Variants in OXR1 observed in about 807,000 individuals in gnomAD.
OXR1 encodes the protein oxidation resistance protein 1.
Under a neutral mutation model 104.6 loss-of-function variants are expected in OXR1, and 41 were observed. The observed-to-expected ratio is 0.39, with a 90% CI of 0.31 to 0.51. The LOEUF is 0.51. OXR1 is among the 20% of genes least tolerant of loss of function. The probability of loss-of-function intolerance (pLI) is 0.77; values close to 1 mark genes in which losing one functional copy is unlikely to be tolerated. For synonymous variants in OXR1, 348 were observed against 348.4 expected, an observed-to-expected ratio of 1.00 and a Z score of 0.01; for missense variants, 955 against 1,031.9, an observed-to-expected ratio of 0.93 and a Z score of 1.02.
intron 3 of OXR1, among the ~76,000 whole-genome samples, chr8:106,573,503 C>A (rs1817621906): frequency 6.6e-6 from 1 of 152,178 alleles, no homozygotes; most frequent in Admixed American, 6.5e-5. Context: ...CTCAGAAACA[C>A]TGGTCAAATA....
At chr8:106,444,541 C>G (rs1586649910) in intron 2 of OXR1, among the ~76,000 whole-genome samples, 1 of 152,128 alleles carries the variant, frequency 6.6e-6, no homozygotes. Context: ...TTTGCAGGGA[C>G]ATGGATGAAG....
chr8:106,540,886 T>G (rs1411619708), intron 3 of OXR1, among the ~76,000 whole-genome samples: 1 of 152,132 alleles, frequency 6.6e-6, no homozygotes, highest in Admixed American at 6.6e-5. Flanking sequence ...CCCCCATAAT[T>G]CAATCACCTC....
intron 1 of OXR1, among the ~76,000 whole-genome samples, chr8:106,294,058 A>G (rs1404174799): frequency 6.9e-6 from 1 of 145,760 alleles, no homozygotes; most frequent in Non-Finnish European, 1.5e-5. Flanking sequence ...GTGTTTATGA[A>G]GTAGGGTCAC....
intron 7 of OXR1, among the ~76,000 whole-genome samples, chr8:106,696,908 T>A (rs1830091869): frequency 6.6e-6 from 1 of 152,050 alleles, no homozygotes; most frequent in Non-Finnish European, 1.5e-5. Context: ...CCCAGATGTG[T>A]GGTGAGCACA....
At chr8:106,348,465 C>T (rs1253183928) in intron 1 of OXR1, among the ~76,000 whole-genome samples, 1 of 152,126 alleles carries the variant, frequency 6.6e-6, no homozygotes, top group Non-Finnish European at 1.5e-5. Flanking sequence ...GATATTTTCT[C>T]ATTTGAAACA....
intron 1 of OXR1, among the ~76,000 whole-genome samples, chr8:106,279,710 T>C (rs1380959702): frequency 6.6e-6 from 1 of 152,146 alleles, no homozygotes; most frequent in Non-Finnish European, 1.5e-5. Flanking sequence ...TTACTAATAG[T>C]AGTAAGTCCA....
At chr8:106,546,782 T>G (rs570071897) in intron 3 of OXR1, among the ~76,000 whole-genome samples, 1 of 152,366 alleles carries the variant, frequency 6.6e-6, no homozygotes, top group South Asian at 2.1e-4. Flanking sequence ...GAAAAGCAGT[T>G]GCTTGCGTGA....
At chr8:106,749,847 T>TC (rs1411136036) in intron 16 of OXR1, among the ~76,000 whole-genome samples, 4 of 152,122 alleles carry the variant, frequency 2.6e-5, no homozygotes, top group Non-Finnish European at 2.9e-5. Flanking sequence ...CCTGGTGTTT[T>TC]CCCCTCTCGG....
rs185814572 is a variant in OXR1, at chr8:106,719,448, T to C, written c.1956+5463T>C. Among the ~76,000 whole-genome samples the C allele has an allele frequency of 7.2e-5, 11 of 152,358 alleles. No individual in the cohort carries two copies. The East Asian group carries it at 2.1e-3, about 29-fold the overall frequency. ...CTTTTCTCCAATTGTTCATAGTTAT[T>C]CAAATGTCATAAAAATATTTAGAAT... is the stretch of plus-strand genomic sequence containing the variant. On this transcript the variant is annotated intron_variant, in intron 11 of 16. Coordinates refer to ENST00000517566, the MANE Select transcript of OXR1 (RefSeq NM_001198533.2).
At chr8:106,411,835 A>T (rs1818468987) in intron 2 of OXR1, among the ~76,000 whole-genome samples, 1 of 152,144 alleles carries the variant, frequency 6.6e-6, no homozygotes, top group South Asian at 2.1e-4. Context: ...GGACTGAGTG[A>T]GTGCTAGGCC....
chr8:106,747,719 A>G (rs1174254455), intron 16 of OXR1, among the ~76,000 whole-genome samples: 1 of 152,252 alleles, frequency 6.6e-6, no homozygotes, highest in African/African-American at 2.4e-5. Context: ...TTGTCCTAAA[A>G]TGAATATACA....
At chr8:106,421,899 G>C (rs1176157058) in intron 2 of OXR1, among the ~76,000 whole-genome samples, 2 of 129,910 alleles carry the variant, frequency 1.5e-5, no homozygotes, top group African/African-American at 6.2e-5. Context: ...ATAGCTATAA[G>C]AGTGGCTAGT....
At chr8:106,748,554 C>CT (rs71307088) in intron 16 of OXR1, among the ~76,000 whole-genome samples, 12 of 48,922 alleles carry the variant, frequency 2.5e-4, no homozygotes, top group Non-Finnish European at 3.4e-4. Flanking sequence ...AGTACCAACT[C>CT]TTTTTTTTTT....
At chr8:106,512,102 C>T (rs920748897) in intron 2 of OXR1, among the ~76,000 whole-genome samples, 23 of 152,246 alleles carry the variant, frequency 1.5e-4, no homozygotes, top group African/African-American at 5.5e-4. Flanking sequence ...GTCTAATCTT[C>T]ATGTCAATTT....
intron 2 of OXR1, among the ~76,000 whole-genome samples, chr8:106,445,140 A>G (rs987373457): frequency 4.6e-5 from 7 of 152,204 alleles, no homozygotes; most frequent in Admixed American, 2.6e-4. Context: ...CTGCTGTCCT[A>G]TTATTAAAGA....
chr8:106,535,061 C>T lies in OXR1; in HGVS notation c.220+15922C>T, dbSNP rs183944435. 5.7e-4 allele frequency among the ~76,000 whole-genome samples: 87 copies of T among 152,246 alleles called. No individual in the cohort carries two copies. The East Asian group carries it at 0.012, about 22-fold the overall frequency. On this transcript the variant is annotated intron_variant, in intron 3 of 16. Coordinates refer to ENST00000517566, the MANE Select transcript of OXR1 (RefSeq NM_001198533.2). ...CACTGCAAGCTCCGCCTCCCGGGTTCACACCATTCTCCTGCCTCAGCCCCC... is the reference window on the plus strand; with the variant it reads ...CACTGCAAGCTCCGCCTCCCGGGTTTACACCATTCTCCTGCCTCAGCCCCC...
intron 6 of OXR1, among the ~76,000 whole-genome samples, chr8:106,688,349 C>A (rs961888388): frequency 6.6e-6 from 1 of 151,470 alleles, no homozygotes; most frequent in African/African-American, 2.4e-5. Flanking sequence ...TCTAATCAAT[C>A]TAAAATATGA....
chr8:106,345,359 A>C (rs994542209), intron 1 of OXR1, among the ~76,000 whole-genome samples: 1 of 152,232 alleles, frequency 6.6e-6, no homozygotes, highest in Non-Finnish European at 1.5e-5. Context: ...TCACTCTAAG[A>C]TTCTAGATTT....
chr8:106,666,707 G>A lies in OXR1; in HGVS notation c.221-12503G>A, dbSNP rs149347293. 3.7e-3 allele frequency among the ~76,000 whole-genome samples: 561 copies of A among 152,276 alleles called. 4 individuals carry two copies. Among genetic ancestry groups the A allele is most frequent in the African/African-American group, 0.013 (523 of 41,540 alleles). On this transcript the variant is annotated intron_variant, in intron 3 of 16. Coordinates refer to ENST00000517566, the MANE Select transcript of OXR1 (RefSeq NM_001198533.2). The stretch of plus-strand genomic sequence containing the variant: ...TGACCTACCAGGATTCTTGCTGAAG[G>A]CAGGCCAGAGTAATCAGACTTCACC...
Sources: allele counts gnomAD v4.1 joint callset (sites outside exome capture counted in the v4.1 genomes callset), GRCh38; gene constraint gnomAD v4.1.1; transcripts MANE v1.5; gene names NCBI Gene and HGNC (gene_info 2026-07-23, HGNC 2026-07-21).